The following SLC30A4 variants were observed in gnomAD, a reference collection of about 807,000 sequenced individuals.
SLC30A4 encodes solute carrier family 30 member 4.
A neutral mutation model predicts 41.7 loss-of-function variants in SLC30A4; 20 were observed. The observed-to-expected ratio is 0.48, with a 90% CI of 0.34 to 0.70. SLC30A4 has a LOEUF of 0.70. Ranked by LOEUF, SLC30A4 falls within the 30% of genes least tolerant of loss-of-function variation. The pLI is 0.01. For synonymous variants in SLC30A4, 181 were observed against 195.9 expected, an observed-to-expected ratio of 0.92 and a Z score of 0.64; for missense variants, 441 against 529.3, an observed-to-expected ratio of 0.83 and a Z score of 1.64.
intron 2 of SLC30A4, among the ~76,000 whole-genome samples, chr15:45,517,375 T>TG (rs1293774706): frequency 2.1e-4 from 26 of 121,504 alleles, no homozygotes; most frequent in Middle Eastern, 4.8e-3. Context: ...TTTTTTGAGA[T>TG]GGAGTTTTGC....
intron 3 of SLC30A4, among the ~76,000 whole-genome samples, chr15:45,497,956 C>T (rs1891941597): frequency 1.3e-5 from 2 of 152,100 alleles, no homozygotes; most frequent in Admixed American, 6.5e-5. Flanking sequence ...CTATGTAAAC[C>T]ACACACAACC....
intron 5 of SLC30A4, among the ~76,000 whole-genome samples, chr15:45,487,998 TGTG>T: frequency 6.8e-6 from 1 of 147,254 alleles, no homozygotes; most frequent in Non-Finnish European, 1.5e-5. Context: ...TGTGTGTGTG[TGTG>T]TTGCCCAGGT....
chr15:45,508,620 C>A (rs940704951), intron 3 of SLC30A4, among the ~76,000 whole-genome samples: 6 of 152,108 alleles, frequency 3.9e-5, no homozygotes, highest in Admixed American at 1.3e-4. Context: ...TTACTGGTAA[C>A]CCAATCATGT....
intron 2 of SLC30A4, among the ~76,000 whole-genome samples, chr15:45,512,876 C>A (rs928130186): frequency 6.6e-6 from 1 of 152,034 alleles, no homozygotes; most frequent in Non-Finnish European, 1.5e-5. Flanking sequence ...GCCTGTAATA[C>A]CAGCTGTTTG....
intron 3 of SLC30A4, among the ~76,000 whole-genome samples, chr15:45,499,670 T>C (rs1163910519): frequency 6.6e-6 from 1 of 152,174 alleles, no homozygotes; most frequent in East Asian, 1.9e-4. Context: ...TTGTGGGATT[T>C]CTCCTACAGT....
At chr15:45,491,938 C>T (rs2140817936) in intron 3 of SLC30A4, among the ~76,000 whole-genome samples, 1 of 151,770 alleles carries the variant, frequency 6.6e-6, no homozygotes. Context: ...AAATGAAATT[C>T]AGATAGGAAT....
chr15:45,490,647 C>CTAT, intron 4 of SLC30A4, 81 bp downstream of exon 4: 1 of 811,076 alleles, frequency 1.2e-6, no homozygotes, highest in Non-Finnish European at 1.9e-6. Context: ...CAAAATATCA[C>CTAT]TGAATATTAC....
chr15:45,516,975 G>A (rs950294219), intron 2 of SLC30A4, among the ~76,000 whole-genome samples: 2 of 152,004 alleles, frequency 1.3e-5, no homozygotes, highest in African/African-American at 4.8e-5. Context: ...AGATGCATGA[G>A]TTCAATTTGC....
chr15:45,520,885 A>G, intron 2 of SLC30A4: 1 of 373,122 alleles, frequency 2.7e-6, no homozygotes, highest in Non-Finnish European at 5.4e-6. Flanking sequence ...AGTGAGGTCA[A>G]AAAATGTTTG....
intron 3 of SLC30A4, among the ~76,000 whole-genome samples, chr15:45,509,398 C>T (rs1250021484): frequency 6.6e-6 from 1 of 151,908 alleles, no homozygotes; most frequent in Non-Finnish European, 1.5e-5. Flanking sequence ...GGATTACAGG[C>T]GTGCACCACC....
At chr15:45,486,997 C>T (rs760555152) in intron 6 of SLC30A4, among the ~76,000 whole-genome samples, 1 of 148,182 alleles carries the variant, frequency 6.7e-6, no homozygotes, top group Admixed American at 6.7e-5. Flanking sequence ...CCAATCAAAC[C>T]AGAATACTTC....
chr15:45,520,598 C>T (rs527686458), intron 2 of SLC30A4, among the ~76,000 whole-genome samples: 6 of 152,038 alleles, frequency 3.9e-5, no homozygotes, highest in East Asian at 1.9e-4. Flanking sequence ...AAATAAGACA[C>T]GAATGACAAG....
intron 3 of SLC30A4, among the ~76,000 whole-genome samples, chr15:45,496,296 C>G (rs1201340211): frequency 6.6e-6 from 1 of 152,016 alleles, no homozygotes. Flanking sequence ...CAGATAAAAA[C>G]GGGCAAGATT....
intron 3 of SLC30A4, among the ~76,000 whole-genome samples, chr15:45,510,121 T>A (rs1413802831): frequency 6.8e-6 from 1 of 147,414 alleles, no homozygotes; most frequent in Non-Finnish European, 1.5e-5. Context: ...ACCACTGCAC[T>A]CCAGCCTGGG....
intron 2 of SLC30A4, 69 bp downstream of exon 2, chr15:45,521,895 G>A: frequency 6.7e-7 from 1 of 1,495,034 alleles, no homozygotes; most frequent in Non-Finnish European, 9.1e-7. Flanking sequence ...CTCAAAGCCT[G>A]TGTAACTACA....
intron 7 of SLC30A4, among the ~76,000 whole-genome samples, chr15:45,486,053 T>C (rs559014830): frequency 7.2e-4 from 109 of 151,258 alleles, no homozygotes; most frequent in Non-Finnish European, 1.2e-3. Flanking sequence ...GATGGAGTCT[T>C]GCTCTGTCAC....
Position 45,522,425 on chromosome 15 carries a change from G to A in SLC30A4, c.-71C>T, listed in dbSNP as rs867211415. ...GACGGCCGGCGGCGCCTACTTCACC[G>A]GAGCGCCAGTTCTCGAGGGCAGTGC... On this transcript the variant is annotated 5_prime_UTR_variant, in exon 2 of 8. Transcript: ENST00000261867. 3.5e-6 allele frequency: 5 copies of A among 1,446,176 alleles called. No homozygotes were observed. The African/African-American group carries it at 4.3e-5, about 12-fold the overall frequency. 89.6% of individuals were successfully genotyped at this position (1,446,176 alleles called of 1,614,324 possible). A position where few individuals can be genotyped will look rare whatever the true frequency, so the allele number is the denominator to read the frequency against.
Position 45,522,720 on chromosome 15 carries a change from G to C in SLC30A4, c.-228C>G. On this transcript the variant is annotated 5_prime_UTR_variant, in exon 1 of 8. Coordinates refer to ENST00000261867, the MANE Select transcript of SLC30A4 (RefSeq NM_013309.6). ...GGAGAGTGGGGTCGTGCTCGCGCCCGCCGCGCCCGCTGCTGGAGGCCGGCT... is the reference window on the plus strand; with the variant it reads ...GGAGAGTGGGGTCGTGCTCGCGCCCCCCGCGCCCGCTGCTGGAGGCCGGCT... 6.0e-6 allele frequency: 1 copy of C among 166,206 alleles called. No individual in the cohort carries two copies. The highest frequency in any genetic ancestry group is 1.3e-5 in the Non-Finnish European group (1 of 78,162). 10.3% of individuals were successfully genotyped at this position (166,206 alleles called of 1,614,324 possible).
chr15:45,493,279 C>T (rs1018024026), intron 3 of SLC30A4, among the ~76,000 whole-genome samples: 3 of 151,970 alleles, frequency 2.0e-5, no homozygotes, highest in African/African-American at 4.8e-5. Context: ...ATGAAACAAG[C>T]GTTAACCCTC....
Sources: allele counts gnomAD v4.1 joint callset (sites outside exome capture counted in the v4.1 genomes callset), GRCh38; gene constraint gnomAD v4.1.1; transcripts MANE v1.5; gene names NCBI Gene and HGNC (gene_info 2026-07-23, HGNC 2026-07-21).